The following ARHGAP22 variants were observed in gnomAD, a reference collection of about 807,000 sequenced individuals.
ARHGAP22 encodes the protein Rho GTPase activating protein 22.
Under a neutral mutation model 59.1 loss-of-function variants are expected in ARHGAP22, and 48 were observed. The ratio of observed to expected loss-of-function variants is 0.81; its 90% CI spans 0.64 to 1.03. ARHGAP22 has a LOEUF of 1.03. ARHGAP22 is among the 50% of genes least tolerant of loss of function. ARHGAP22 has a pLI of 0.00. For synonymous variants in ARHGAP22, 445 were observed against 416.4 expected (o/e 1.07, Z -0.84); for missense variants, 1,015 against 958.7 (o/e 1.06, Z -0.78).
At chr10:48,457,441 G>A (rs2133742620) in intron 5 of ARHGAP22, among the ~76,000 whole-genome samples, 1 of 152,228 alleles carries the variant, frequency 6.6e-6, no homozygotes, top group East Asian at 1.9e-4. Context: ...TATCTGTCAA[G>A]ACCCACCCCC....
At chr10:48,455,260 T>C (rs899464495) in intron 5 of ARHGAP22, 126 bp from the exon 6 acceptor site, 3 of 1,158,870 alleles carry the variant, frequency 2.6e-6, no homozygotes, top group African/African-American at 1.5e-5. Context: ...CACTGGGGGC[T>C]GCATCTGCGG....
chr10:48,523,947 G>A, intron 3 of ARHGAP22: 2 of 956,044 alleles, frequency 2.1e-6, no homozygotes, highest in Non-Finnish European at 2.8e-6. Context: ...CAAAGCTGAG[G>A]CAGGTGCGGG....
At chr10:48,476,560 C>A (rs1408428714) in intron 4 of ARHGAP22, among the ~76,000 whole-genome samples, 1 of 152,208 alleles carries the variant, frequency 6.6e-6, no homozygotes, top group Non-Finnish European at 1.5e-5. Context: ...CCATGCATGC[C>A]CAGACACGTC....
At chr10:48,549,673 C>A (rs935268) in intron 3 of ARHGAP22, among the ~76,000 whole-genome samples, 78,504 of 151,988 alleles carry the variant, frequency 0.52, 21,602 homozygotes, top group East Asian at 0.97. Flanking sequence ...ATACATTATA[C>A]GGTCCTCCTC....
intron 1 of ARHGAP22, among the ~76,000 whole-genome samples, chr10:48,584,411 G>A (rs1285444185): frequency 1.3e-5 from 2 of 152,168 alleles, no homozygotes; most frequent in Non-Finnish European, 2.9e-5. Context: ...CCAACTCAAA[G>A]GACACTTCCT....
At chr10:48,441,377 A>G (rs1396008388), downstream of ARHGAP22, among the ~76,000 whole-genome samples, 1 of 152,060 alleles carries the variant, frequency 6.6e-6, no homozygotes, top group Non-Finnish European at 1.5e-5. Context: ...TAAAGAAGAA[A>G]TCATGACAGT....
At chr10:48,561,221 T>C (rs2057667445) in intron 2 of ARHGAP22, among the ~76,000 whole-genome samples, 1 of 152,172 alleles carries the variant, frequency 6.6e-6, no homozygotes, top group South Asian at 2.1e-4. Context: ...ATATGGATAA[T>C]TGATTTTGAC....
At chr10:48,511,250 C>T (rs1038644687) in intron 3 of ARHGAP22, among the ~76,000 whole-genome samples, 5 of 152,216 alleles carry the variant, frequency 3.3e-5, no homozygotes, top group African/African-American at 1.2e-4. Context: ...TCGGTGCCTT[C>T]GTGGCACACG....
At chr10:48,538,670 T>C (rs2055607531) in intron 3 of ARHGAP22, among the ~76,000 whole-genome samples, 1 of 152,236 alleles carries the variant, frequency 6.6e-6, no homozygotes, top group Non-Finnish European at 1.5e-5. Flanking sequence ...CACCTGGGAA[T>C]GCACTACAGT....
chr10:48,581,447 T>C (rs545760317), intron 2 of ARHGAP22, among the ~76,000 whole-genome samples: 1 of 152,212 alleles, frequency 6.6e-6, no homozygotes, highest in Non-Finnish European at 1.5e-5. Context: ...TAGGTCTCAT[T>C]CAGATCTAGC....
intron 3 of ARHGAP22, among the ~76,000 whole-genome samples, chr10:48,531,062 A>T (rs2054798539): frequency 6.6e-6 from 1 of 152,258 alleles, no homozygotes; most frequent in Non-Finnish European, 1.5e-5. Flanking sequence ...AAAATGTAGT[A>T]TATAAATACC....
intron 1 of ARHGAP22, among the ~76,000 whole-genome samples, chr10:48,602,179 A>C (rs1205361774): frequency 6.6e-6 from 1 of 152,224 alleles, no homozygotes; most frequent in African/African-American, 2.4e-5. Flanking sequence ...AATCACAAGA[A>C]TAAGGCCATT....
chr10:48,479,867 T>A, intron 3 of ARHGAP22, 103 bp from the exon 4 acceptor site: 1 of 1,194,040 alleles, frequency 8.4e-7, no homozygotes, highest in South Asian at 1.7e-5. Flanking sequence ...ATTCCCAAAG[T>A]CCTTCCAGCA....
Position 48,647,684 on chromosome 10 carries a change from T to C in ARHGAP22, c.52+4550A>G, listed in dbSNP as rs564627263. ...TAAAAATTAAAAAATAAACCTACCA[T>C]ACGACCCAGCAAGAGAAATGAAAGC... On this transcript the variant is annotated intron_variant, in intron 1 of 9. Transcript: ENST00000435790. Among the ~76,000 whole-genome samples, 4 of 152,262 alleles carry C rather than the reference T, an allele frequency of 2.6e-5. 1 individual carries two copies. In the South Asian group the frequency reaches 6.2e-4, roughly 24 times the overall value.
chr10:48,460,733 A>G (rs2047058766), intron 4 of ARHGAP22, among the ~76,000 whole-genome samples: 1 of 24,822 alleles, frequency 4.0e-5, no homozygotes. Flanking sequence ...CCATGTGTCC[A>G]TCAATGAATG....
At chr10:48,584,993 C>A (rs79280506) in intron 1 of ARHGAP22, among the ~76,000 whole-genome samples, 201 of 137,504 alleles carry the variant, frequency 1.5e-3, no homozygotes, top group Middle Eastern at 3.8e-3. Flanking sequence ...GACTCAGTCT[C>A]AAAAAAAAAA....
At chr10:48,475,370 C>T (rs79208093) in intron 4 of ARHGAP22, among the ~76,000 whole-genome samples, 4,379 of 152,238 alleles carry the variant, frequency 0.029, 219 homozygotes, top group Admixed American at 0.15. Flanking sequence ...GCTGATGGCC[C>T]CCTAAATACT....
intron 3 of ARHGAP22, among the ~76,000 whole-genome samples, chr10:48,497,370 T>C (rs1478439039): frequency 6.6e-6 from 1 of 152,300 alleles, no homozygotes; most frequent in East Asian, 1.9e-4. Flanking sequence ...TCCTGCCTCC[T>C]CCTCAGCAGC....
At chr10:48,518,580 A>G (rs112250415) in intron 3 of ARHGAP22, among the ~76,000 whole-genome samples, 99 of 152,318 alleles carry the variant, frequency 6.5e-4, no homozygotes, top group East Asian at 2.5e-3. Flanking sequence ...GCCACGTGTG[A>G]GAGGAGGATG....
Sources: gnomAD v4.1 joint callset for allele counts (sites outside exome capture counted in the v4.1 genomes callset) on GRCh38, gnomAD v4.1.1 for gene constraint, MANE v1.5 for transcripts, NCBI Gene and HGNC (gene_info 2026-07-23, HGNC 2026-07-21) for gene names.